Variants in RNF38 observed in about 807,000 individuals in gnomAD.
RNF38 encodes the protein E3 ubiquitin-protein ligase RNF38.
In RNF38, 15 loss-of-function variants were observed where a neutral mutation model predicts 67.2. That is an observed-to-expected ratio of 0.22 (90% CI 0.15 to 0.34). The LOEUF (loss-of-function observed/expected upper bound fraction) is 0.34, where lower values mean the gene tolerates loss of function less well. RNF38 is among the 10% of genes least tolerant of loss of function. The pLI, the probability that RNF38 is intolerant of heterozygous loss-of-function variation, is 1.00. For missense variants in RNF38, 524 were observed against 639.9 expected, an observed-to-expected ratio of 0.82 and a Z score of 1.95; for synonymous variants, 220 against 218.8, an observed-to-expected ratio of 1.01 and a Z score of -0.05.
intron 9 of RNF38, 124 bp from the exon 10 acceptor site, chr9:36,345,077 C>T: frequency 1.0e-6 from 1 of 1,003,604 alleles, no homozygotes; most frequent in East Asian, 2.7e-5. Context: ...TGTTCACAGG[C>T]ATGATCATTG....
intron 2 of RNF38, among the ~76,000 whole-genome samples, chr9:36,415,383 T>C (rs1373496158): frequency 2.6e-5 from 4 of 152,240 alleles, no homozygotes; most frequent in East Asian, 1.9e-4. Flanking sequence ...TGTTGTTTTA[T>C]TGATTTTATT....
At position 36,339,132 on chromosome 9, in the gene RNF38, A is replaced by C. The variant is rs946673557; in HGVS notation, c.*620T>G. ...ATGCACCCTCAGCAATCAGTGTGCA[A>C]CAGCAAACACAAGGGAAAAAAACCA... is the stretch of plus-strand genomic sequence containing the variant. On this transcript the variant is annotated 3_prime_UTR_variant, in exon 12 of 12. Coordinates refer to ENST00000259605, the MANE Select transcript of RNF38 (RefSeq NM_022781.5). 1 of 152,658 alleles carries C rather than the reference A, an allele frequency of 6.6e-6. No homozygotes were observed. The highest frequency in any genetic ancestry group is 2.4e-5 in the African/African-American group (1 of 41,440). The allele number at this position is 152,658 out of a possible 1,614,324, so 9.5% of individuals were successfully genotyped here. A position where few individuals can be genotyped will look rare whatever the true frequency, so the allele number is the denominator to read the frequency against.
At chr9:36,395,064 CA>C (rs1291456711) in intron 1 of RNF38, among the ~76,000 whole-genome samples, 1 of 152,148 alleles carries the variant, frequency 6.6e-6, no homozygotes, top group Non-Finnish European at 1.5e-5. Flanking sequence ...ATTCATTAAG[CA>C]TAACTAAGAA....
At chr9:36,460,748 G>A (rs903303122) in intron 1 of RNF38, among the ~76,000 whole-genome samples, 6 of 151,904 alleles carry the variant, frequency 3.9e-5, no homozygotes, top group East Asian at 3.9e-4. Flanking sequence ...TTAGCCAGGC[G>A]TGGTGGCACA....
chr9:36,374,632 G>A (rs1444395631), intron 3 of RNF38, among the ~76,000 whole-genome samples: 2 of 152,132 alleles, frequency 1.3e-5, no homozygotes, highest in East Asian at 3.9e-4. Flanking sequence ...TGGGACTACA[G>A]GTGCGCACCA....
At chr9:36,425,475 C>T (rs577634725) in intron 1 of RNF38, among the ~76,000 whole-genome samples, 227 of 152,250 alleles carry the variant, frequency 1.5e-3, no homozygotes, top group Non-Finnish European at 3.0e-3. Flanking sequence ...GGGTGGATCA[C>T]CCGAGGTTAG....
At position 36,337,363 on chromosome 9, in the gene RNF38, A is replaced by AAAAC. The variant is rs1344280335; in HGVS notation, c.*2385_*2388dup. The AAAAC allele has an allele frequency of 3.3e-5, 5 of 152,910 alleles. No individual in the cohort carries two copies. Among genetic ancestry groups the AAAAC allele is most frequent in the African/African-American group, 1.2e-4 (5 of 41,460 alleles). 9.5% of individuals were successfully genotyped at this position (152,910 alleles called of 1,614,324 possible). On this transcript the variant is annotated 3_prime_UTR_variant, in exon 12 of 12. Transcript: ENST00000259605. ...CAACAACGAAATTCAAGATTTGACCAAAACAGACCCTGCTGCCTCCTAAAT... is the reference window on the plus strand; with the variant it reads ...CAACAACGAAATTCAAGATTTGACCAAAACAAACAGACCCTGCTGCCTCCTAAAT...
intron 2 of RNF38, among the ~76,000 whole-genome samples, chr9:36,414,913 T>TG (rs1383065950): frequency 1.3e-5 from 2 of 152,234 alleles, no homozygotes; most frequent in Non-Finnish European, 2.9e-5. Flanking sequence ...GGGTTTCTGC[T>TG]GAAAAACGTG....
chr9:36,352,685 A>G (rs1587482306), intron 8 of RNF38, 57 bp downstream of exon 8: 2 of 1,227,258 alleles, frequency 1.6e-6, no homozygotes, highest in Non-Finnish European at 1.2e-6. Flanking sequence ...TTCACAAAGG[A>G]AAGAGAATCT....
At chr9:36,457,300 A>T (rs548036078) in intron 1 of RNF38, among the ~76,000 whole-genome samples, 1 of 152,338 alleles carries the variant, frequency 6.6e-6, no homozygotes, top group South Asian at 2.1e-4. Flanking sequence ...TACTGCATAC[A>T]GGTAACACTT....
chr9:36,349,318 C>T (rs1278617991), intron 9 of RNF38, among the ~76,000 whole-genome samples: 2 of 152,182 alleles, frequency 1.3e-5, no homozygotes, highest in African/African-American at 4.8e-5. Context: ...TGAAAACAGC[C>T]ATCCTAACAG....
chr9:36,364,816 T>C (rs1251009513), intron 4 of RNF38, among the ~76,000 whole-genome samples: 1 of 152,230 alleles, frequency 6.6e-6, no homozygotes, highest in Non-Finnish European at 1.5e-5. Flanking sequence ...AAGTCTAGTG[T>C]ACAGTCTGCG....
At chr9:36,466,018 C>T (rs531774790) in intron 1 of RNF38, among the ~76,000 whole-genome samples, 1 of 152,240 alleles carries the variant, frequency 6.6e-6, no homozygotes, top group African/African-American at 2.4e-5. Flanking sequence ...GGCCACTGCA[C>T]TTGAGCCTGG....
In RNF38 at chr9:36,337,594, A is replaced by T. The variant is rs1231343557; in HGVS notation, c.*2158T>A. ...TAGTGTTAGATCTGTACAGATATAA[A>T]TTTTTTGCAGCTATATAAAAGTGTA... On this transcript the variant is annotated 3_prime_UTR_variant, in exon 12 of 12. Coordinates refer to ENST00000259605, the MANE Select transcript of RNF38 (RefSeq NM_022781.5). The T allele has an allele frequency of 6.6e-6, 1 of 152,560 alleles. No homozygotes were observed. Among genetic ancestry groups the T allele is most frequent in the Non-Finnish European group, 1.5e-5 (1 of 68,026 alleles). The allele number at this position is 152,560 out of a possible 1,614,324, so 9.5% of individuals were successfully genotyped here.
At chr9:36,370,937 T>A (rs1466354453) in intron 3 of RNF38, among the ~76,000 whole-genome samples, 1 of 152,064 alleles carries the variant, frequency 6.6e-6, no homozygotes, top group African/African-American at 2.4e-5. Flanking sequence ...GAGAATTTGC[T>A]TATTGAAGCA....
intron 4 of RNF38, among the ~76,000 whole-genome samples, chr9:36,358,428 T>TTC (rs1310162265): frequency 6.6e-6 from 1 of 152,364 alleles, no homozygotes; most frequent in East Asian, 1.9e-4. Flanking sequence ...TAACATATCC[T>TTC]TCTTCTCTTT....
At chr9:36,401,101 G>A, upstream of RNF38, 1 of 984,934 alleles carries the variant, frequency 1.0e-6, no homozygotes. Flanking sequence ...CACAAACCTA[G>A]CGAGCCCAGC....
At chr9:36,389,459 CT>C (rs1391931225) in intron 2 of RNF38, among the ~76,000 whole-genome samples, 1 of 152,124 alleles carries the variant, frequency 6.6e-6, no homozygotes, top group Non-Finnish European at 1.5e-5. Flanking sequence ...AGCCCCTTCT[CT>C]GCCAAATAAC....
chr9:36,424,351 G>A (rs1341143660), intron 2 of RNF38, among the ~76,000 whole-genome samples: 2 of 152,190 alleles, frequency 1.3e-5, no homozygotes, highest in African/African-American at 4.8e-5. Context: ...AGAAGAGGAA[G>A]CACCACGATG....
Sources: gnomAD v4.1 joint callset for allele counts (sites outside exome capture counted in the v4.1 genomes callset) on GRCh38, gnomAD v4.1.1 for gene constraint, MANE v1.5 for transcripts, NCBI Gene and HGNC (gene_info 2026-07-23, HGNC 2026-07-21) for gene names.